The following UGT2B11 variants were observed in gnomAD, a reference collection of about 807,000 sequenced individuals.
The protein encoded by UGT2B11 is UDP glucuronosyltransferase family 2 member B11.
UGT2B11 carries 49 observed loss-of-function variants against 51.7 expected under a neutral mutation model. That is an observed-to-expected ratio of 0.95 (90% CI 0.75 to 1.20). The LOEUF is 1.20. Among genes scored for constraint, UGT2B11 ranks in the 50% most tolerant of loss-of-function variants. The pLI is 0.00. For synonymous variants in UGT2B11, 273 were observed against 209.0 expected, an observed-to-expected ratio of 1.31 and a Z score of -2.64; for missense variants, 810 against 622.1, an observed-to-expected ratio of 1.30 and a Z score of -3.21.
intron 2 of UGT2B11, chr4:69,211,128 G>A (rs1722043902): frequency 6.6e-6 from 1 of 151,570 alleles, no homozygotes; most frequent in African/African-American, 2.4e-5. Flanking sequence ...TCATAAGGCA[G>A]ACATCATCTG....
chr4:69,205,662 T>A, intron 3 of UGT2B11, 95 bp from the exon 4 acceptor site: 1 of 1,335,768 alleles, frequency 7.5e-7, no homozygotes, highest in Non-Finnish European at 1.0e-6. Flanking sequence ...GATCAAGGGA[T>A]GTTAGTAAAT....
chr4:69,222,017 A>G, the UGT2B11 span, among the ~76,000 whole-genome samples: 16 of 152,400 alleles, frequency 1.0e-4, no homozygotes, highest in South Asian at 2.5e-3. Flanking sequence ...AACAAGTCCT[A>G]CTAGGCAATT....
At chr4:69,208,096 G>A (rs141353189) in intron 3 of UGT2B11, among the ~76,000 whole-genome samples, 14 of 151,512 alleles carry the variant, frequency 9.2e-5, no homozygotes, top group Admixed American at 2.6e-4. Flanking sequence ...GGATACCTAC[G>A]GAGTACTGAG....
At chr4:69,223,052 C>T in the UGT2B11 span, among the ~76,000 whole-genome samples, 1 of 152,078 alleles carries the variant, frequency 6.6e-6, no homozygotes, top group Non-Finnish European at 1.5e-5. Flanking sequence ...GCAAAGAAAG[C>T]TTGTACATAA....
At chr4:69,213,960 A>G in intron 1 of UGT2B11, 42 bp downstream of exon 1, 1 of 1,509,508 alleles carries the variant, frequency 6.6e-7, no homozygotes, top group African/African-American at 1.4e-5. Flanking sequence ...CAAAGACACA[A>G]ATAAGTTAGA....
intron 5 of UGT2B11, 25 bp from the exon 6 acceptor site, chr4:69,200,744 A>C: frequency 2.5e-6 from 4 of 1,586,904 alleles, no homozygotes; most frequent in Non-Finnish European, 3.4e-6. Flanking sequence ...TAAGGATACC[A>C]ACACTGAAAG....
At chr4:69,211,359 C>G (rs1330760673) in intron 2 of UGT2B11, among the ~76,000 whole-genome samples, 2 of 151,448 alleles carry the variant, frequency 1.3e-5, no homozygotes, top group African/African-American at 2.4e-5. Flanking sequence ...ATCTTACTGT[C>G]ACAATTGGTA....
In UGT2B11 at chr4:69,200,201, T is replaced by A. The variant is rs1201729103; in HGVS notation, c.*239A>T. On this transcript the variant is annotated 3_prime_UTR_variant, in exon 6 of 6. Transcript: ENST00000446444. ...AATATGAGCTCAAATGGCTTTATAT[T>A]ATTTTTTAATTTTCCTAGTATTTTC... 1 of 429,120 alleles carries A rather than the reference T, an allele frequency of 2.3e-6. No individual in the cohort carries two copies. The highest frequency in any genetic ancestry group is 4.5e-5 in the Admixed American group (1 of 22,228). The allele number at this position is 429,120 out of a possible 1,614,324, so 26.6% of individuals were successfully genotyped here.
chr4:69,223,549 G>A, the UGT2B11 span, among the ~76,000 whole-genome samples: 1 of 152,188 alleles, frequency 6.6e-6, no homozygotes, highest in African/African-American at 2.4e-5. Context: ...CATCCTACCT[G>A]TTCCAGGGTG....
chr4:69,223,321 G>C, the UGT2B11 span, among the ~76,000 whole-genome samples: 6 of 152,060 alleles, frequency 3.9e-5, 1 homozygote, highest in South Asian at 4.1e-4. Flanking sequence ...TGCCCGCACC[G>C]CTGGTTATTC....
chr4:69,200,708 T>C lies in UGT2B11; in HGVS notation c.1322A>G (p.Asn441Ser). The C allele has an allele frequency of 6.2e-7, 1 of 1,610,648 alleles. No individual in the cohort carries two copies. Residue 441 changes from asparagine (N) to serine (S), a missense_variant, in exon 6 of 6, where the codon AAT becomes AGT. Coordinates refer to ENST00000446444, the MANE Select transcript of UGT2B11 (RefSeq NM_001073.3). ...TVINDPLYKENIMKLSRIQHD... is the reference protein window; with the variant it reads ...TVINDPLYKESIMKLSRIQHD... ...TTGAATTCTTGATAATTTCATAATA[T>C]TCTCTTTATATCTGAAGGATAAAAA...
chr4:69,220,445 G>A, the UGT2B11 span, among the ~76,000 whole-genome samples: 1 of 71,090 alleles, frequency 1.4e-5, no homozygotes, highest in Non-Finnish European at 3.3e-5. Context: ...GACTCTCTGT[G>A]TGGGTGTGTT....
Position 69,208,412 on chromosome 4 carries a change from C to T in UGT2B11, c.941G>A (p.Ser314Asn). The T allele has an allele frequency of 1.2e-6, 2 of 1,610,690 alleles. No homozygotes were observed. Among genetic ancestry groups the T allele is most frequent in the Non-Finnish European group, 1.7e-6 (2 of 1,178,190 alleles). The change falls in exon 3 of 6, where the codon AGT becomes AAT. Residue 314 changes from serine (S) to asparagine (N), a missense_variant. Coordinates refer to ENST00000446444, the MANE Select transcript of UGT2B11 (RefSeq NM_001073.3). ...ATTGGCCCTTTCTGCTGTCATGTTA[C>T]TTATCACTGACCCCAGAGAAAACAC... ...VVVFSLGSVI[S>N]NMTAERANVI...
At chr4:69,208,299 A>T (rs557317843) in intron 3 of UGT2B11, 52 bp downstream of exon 3, 38 of 1,603,740 alleles carry the variant, frequency 2.4e-5, no homozygotes, top group Non-Finnish European at 3.0e-5. Flanking sequence ...GATCACAAAC[A>T]TTAACAGCCT....
upstream of UGT2B11, among the ~76,000 whole-genome samples, chr4:69,217,995 C>T (rs901022359): frequency 6.6e-5 from 10 of 152,066 alleles, no homozygotes; most frequent in Admixed American, 6.6e-4. Context: ...GACCTAAACA[C>T]CTCCTAAAAG....
Position 69,204,497 on chromosome 4 carries a change from A to C in UGT2B11, c.1243T>G (p.Leu415Val), listed in dbSNP as rs140410140. The stretch of plus-strand genomic sequence containing the variant: ...GTACTCGACATTGTGTTGAAGTCCA[A>C]TCTAACAGCTGCTCCCTTGGCCTTC... ...HMKAKGAAVR[L>V]DFNTMSSTDL... is the part of the protein sequence containing the mutation. Residue 415 changes from leucine (L) to valine (V), a missense_variant, in exon 5 of 6, where the codon TTG becomes GTG. By Grantham distance (32) the Leu-to-Val change is conservative. Transcript: ENST00000446444. 1,912 of 1,612,106 alleles carry C rather than the reference A, an allele frequency of 1.2e-3. 2 individuals are homozygous for C. Among genetic ancestry groups the C allele is most frequent in the Non-Finnish European group, 1.5e-3 (1,819 of 1,178,776 alleles).
intron 4 of UGT2B11, 109 bp from the exon 5 acceptor site, chr4:69,204,758 G>C: frequency 6.5e-7 from 1 of 1,539,442 alleles, no homozygotes; most frequent in Non-Finnish European, 8.9e-7. Context: ...GAACTAATTT[G>C]CTATTACTTT....
At chr4:69,221,654 C>G in the UGT2B11 span, among the ~76,000 whole-genome samples, 1 of 152,190 alleles carries the variant, frequency 6.6e-6, no homozygotes, top group African/African-American at 2.4e-5. Context: ...GCTGAGGAGA[C>G]GAGAGAAATA....
intron 3 of UGT2B11, chr4:69,205,774 A>G (rs1443895198): frequency 9.5e-6 from 5 of 526,300 alleles, no homozygotes; most frequent in South Asian, 4.7e-5. Context: ...CCAAAACAGT[A>G]CCATAGAAAA....
Sources: allele counts gnomAD v4.1 joint callset (sites outside exome capture counted in the v4.1 genomes callset), GRCh38; gene constraint gnomAD v4.1.1; transcripts MANE v1.5; gene names NCBI Gene and HGNC (gene_info 2026-07-23, HGNC 2026-07-21).